Variants in DDX59 observed in about 807,000 individuals in gnomAD.
The protein encoded by DDX59 is DEAD-box helicase 59, also known as probable ATP-dependent RNA helicase DDX59.
DDX59 carries 30 observed loss-of-function variants against 51.9 expected under a neutral mutation model. The ratio of observed to expected loss-of-function variants is 0.58; its 90% CI spans 0.43 to 0.78. The LOEUF (loss-of-function observed/expected upper bound fraction) is 0.78. Among genes scored for constraint, DDX59 ranks in the 30% least tolerant of loss-of-function variants. The pLI, the probability that DDX59 is intolerant of heterozygous loss-of-function variation, is 0.00. For missense variants in DDX59, 672 were observed against 730.8 expected (o/e 0.92, Z 0.93); for synonymous variants, 255 against 253.3 (o/e 1.01, Z -0.06).
At chr1:200,659,853 T>C (rs1454804278) in intron 3 of DDX59, among the ~76,000 whole-genome samples, 4 of 152,218 alleles carry the variant, frequency 2.6e-5, no homozygotes, top group African/African-American at 9.6e-5. Context: ...ACCTGGCTAA[T>C]TTTTTGTTTT....
At chr1:200,659,345 G>A (rs998884751) in intron 3 of DDX59, among the ~76,000 whole-genome samples, 4 of 152,178 alleles carry the variant, frequency 2.6e-5, no homozygotes, top group African/African-American at 9.7e-5. Context: ...GCCATAACTG[G>A]AGGGACCTAT....
chr1:200,662,532 T>G (rs1345873189), intron 3 of DDX59, among the ~76,000 whole-genome samples: 2 of 152,118 alleles, frequency 1.3e-5, no homozygotes, highest in Non-Finnish European at 2.9e-5. Context: ...GGTGGGCGCC[T>G]GTAGTCCCAG....
At chr1:200,663,631 A>C (rs1662514814) in intron 3 of DDX59, among the ~76,000 whole-genome samples, 1 of 152,232 alleles carries the variant, frequency 6.6e-6, no homozygotes, top group Non-Finnish European at 1.5e-5. Flanking sequence ...AGATGGACTA[A>C]GGATTATGCC....
At chr1:200,641,948 A>G (rs1321171905), downstream of DDX59, among the ~76,000 whole-genome samples, 1 of 152,244 alleles carries the variant, frequency 6.6e-6, no homozygotes, top group Non-Finnish European at 1.5e-5. Flanking sequence ...GGTTGCAGTG[A>G]GCCAAGATAA....
intron 7 of DDX59, among the ~76,000 whole-genome samples, chr1:200,645,037 CAG>C (rs1661212470): frequency 6.6e-6 from 1 of 151,344 alleles, no homozygotes; most frequent in Non-Finnish European, 1.5e-5. Context: ...ACAGACCAAA[CAG>C]AAAATAAGAG....
Position 200,666,016 on chromosome 1 carries a change from T to C in DDX59, c.725A>G (p.Asp242Gly). ...QMIPVGLLGRDILASADTGSG... is the reference protein window; with the variant it reads ...QMIPVGLLGRGILASADTGSG... ...GCCAGTATCTGCACTGGCCAGAATG[T>C]CTCTTCCCAGAAGTCCCACAGGAAT... Residue 242 changes from aspartate (D) to glycine (G), a missense_variant, in exon 2 of 8, where the codon GAC becomes GGC. By Grantham distance (94) the Asp-to-Gly change is moderately conservative. Transcript: ENST00000331314. The C allele has an allele frequency of 6.2e-7, 1 of 1,614,200 alleles. No homozygotes were observed. Among genetic ancestry groups the C allele is most frequent in the South Asian group, 1.1e-5 (1 of 91,086 alleles).
chr1:200,656,304 T>C (rs1225184145), intron 4 of DDX59, among the ~76,000 whole-genome samples: 2 of 152,228 alleles, frequency 1.3e-5, no homozygotes, highest in East Asian at 3.8e-4. Flanking sequence ...ATTTACCATC[T>C]GGTCCTTTAC....
downstream of DDX59, chr1:200,641,037 TA>T: frequency 2.0e-6 from 1 of 492,242 alleles, no homozygotes; most frequent in South Asian, 1.8e-5. Context: ...GAGGTCATTG[TA>T]AGTATGCCTT....
At chr1:200,663,788 A>G in intron 3 of DDX59, 131 bp downstream of exon 3, 2 of 969,624 alleles carry the variant, frequency 2.1e-6, no homozygotes, top group Non-Finnish European at 2.8e-6. Flanking sequence ...AAAAAACCTA[A>G]GGCTTACTTG....
chr1:200,654,116 T>A (rs1009257051), intron 4 of DDX59, among the ~76,000 whole-genome samples: 1 of 152,128 alleles, frequency 6.6e-6, no homozygotes, highest in African/African-American at 2.4e-5. Flanking sequence ...TCTCTGAAGA[T>A]AAGAATCACC....
rs557220943 is a variant in DDX59, at chr1:200,645,003, C to T, written c.1597-486G>A. On this transcript the variant is annotated intron_variant, in intron 7 of 7. Transcript: ENST00000331314. ...TATCTGTGAAATCAATTTAGTAGGC[C>T]TCCACCAGCATATTTTTAATGGAAC... 5.9e-5 allele frequency among the ~76,000 whole-genome samples: 9 copies of T among 151,730 alleles called. 1 individual carries two copies. In the South Asian group the frequency reaches 1.5e-3, roughly 24 times the overall value.
At chr1:200,661,924 C>T (rs944156571) in intron 3 of DDX59, among the ~76,000 whole-genome samples, 1 of 152,096 alleles carries the variant, frequency 6.6e-6, no homozygotes, top group African/African-American at 2.4e-5. Context: ...TAACACCCTT[C>T]CCCTTGGTGC....
At chr1:200,644,687 G>T (rs1353144034) in intron 7 of DDX59, among the ~76,000 whole-genome samples, 170 bp from the exon 8 acceptor site, 6 of 152,056 alleles carry the variant, frequency 3.9e-5, no homozygotes, top group African/African-American at 7.2e-5. Flanking sequence ...CTGAGGTCAG[G>T]AGTTTGAGAC....
chr1:200,663,414 T>A (rs1662502179), intron 3 of DDX59, among the ~76,000 whole-genome samples: 1 of 152,170 alleles, frequency 6.6e-6, no homozygotes, highest in African/African-American at 2.4e-5. Context: ...TCTATGGCCA[T>A]ACAGCTACCA....
Position 200,666,748 on chromosome 1 carries a change from T to C in DDX59, c.-8A>G, listed in dbSNP as rs1662790267. On this transcript the variant is annotated 5_prime_UTR_variant, in exon 2 of 8. In the 5' UTR this introduces an upstream ATG that the reference lacks. Coordinates refer to ENST00000331314, the MANE Select transcript of DDX59 (RefSeq NM_001031725.6). ...AGATCTTGGAACAAACATCCTTCAATATTCTGTTAAGGAAATTATATAATG... is the reference window on the plus strand; with the variant it reads ...AGATCTTGGAACAAACATCCTTCAACATTCTGTTAAGGAAATTATATAATG... 2 of 1,601,826 alleles carry C rather than the reference T, an allele frequency of 1.2e-6. No individual in the cohort carries two copies. The highest frequency in any genetic ancestry group is 1.7e-5 in the Admixed American group (1 of 58,552).
intron 1 of DDX59, among the ~76,000 whole-genome samples, chr1:200,667,233 G>A (rs1198905293): frequency 2.6e-5 from 4 of 151,772 alleles, no homozygotes; most frequent in Admixed American, 1.3e-4. Flanking sequence ...TGAAACCCCC[G>A]TCTCTACTAA....
intron 3 of DDX59, among the ~76,000 whole-genome samples, chr1:200,660,442 C>T (rs927346041): frequency 5.3e-5 from 8 of 152,088 alleles, no homozygotes; most frequent in African/African-American, 1.7e-4. Context: ...GGAGCCTCCA[C>T]AGAAAGGCGG....
At position 200,650,601 on chromosome 1, in the gene DDX59, T is replaced by C. The variant is rs1661596499; in HGVS notation, c.1138A>G (p.Thr380Ala). 4.3e-6 allele frequency: 7 copies of C among 1,614,054 alleles called. No homozygotes were observed. The highest frequency in any genetic ancestry group is 5.9e-6 in the Non-Finnish European group (7 of 1,179,966). The change falls in exon 5 of 8, where the codon ACC becomes GCC. Residue 380 changes from threonine (T) to alanine (A), a missense_variant. Thr to Ala is a moderately conservative substitution (Grantham distance 58). Transcript: ENST00000331314. ...ILENIPNDCQ[T>A]ILVSATIPTS... ...GGAATTGTGGCTGAAACCAAAATGG[T>C]CTGACAATCATTAGGAATGTTTTCC...
At chr1:200,662,972 T>TTA (rs1177721495) in intron 3 of DDX59, among the ~76,000 whole-genome samples, 1 of 152,234 alleles carries the variant, frequency 6.6e-6, no homozygotes, top group African/African-American at 2.4e-5. Flanking sequence ...ATCCCATTAA[T>TTA]TATCAACCTG....
Sources: allele counts gnomAD v4.1 joint callset (sites outside exome capture counted in the v4.1 genomes callset), GRCh38; gene constraint gnomAD v4.1.1; transcripts MANE v1.5; gene names NCBI Gene and HGNC (gene_info 2026-07-23, HGNC 2026-07-21).